NEBL: variants seen among roughly 807,000 people sequenced by gnomAD.
NEBL encodes nebulette.
NEBL carries 122 observed loss-of-function variants against 140.2 expected under a neutral mutation model. The observed-to-expected ratio is 0.87, with a 90% confidence interval of 0.75 to 1.01. NEBL has a LOEUF of 1.01. Ranked by LOEUF, NEBL falls within the 50% of genes least tolerant of loss-of-function variation. The pLI is 0.00. For missense variants in NEBL, 1,365 were observed against 1,231.3 expected (o/e 1.11, Z -1.62); for synonymous variants, 436 against 398.9 (o/e 1.09, Z -1.11).
At chr10:20,842,689 C>A (rs533348005) in intron 12 of NEBL, among the ~76,000 whole-genome samples, 15 of 152,088 alleles carry the variant, frequency 9.9e-5, no homozygotes, top group Admixed American at 9.2e-4. Flanking sequence ...TTAAATCAAT[C>A]TAAATAATAT....
At chr10:21,025,616 G>C (rs911827227) in intron 2 of NEBL, among the ~76,000 whole-genome samples, 3 of 152,156 alleles carry the variant, frequency 2.0e-5, no homozygotes, top group Non-Finnish European at 2.9e-5. Context: ...ATGGGAATGA[G>C]AAAGAACATG....
chr10:21,280,782 T>A (rs1362041924), intron 1 of NEBL, among the ~76,000 whole-genome samples: 1 of 151,846 alleles, frequency 6.6e-6, no homozygotes, highest in Admixed American at 6.6e-5. Context: ...GCATGGCTAA[T>A]TGTTGTATTT....
At chr10:21,252,450 A>C (rs1842599203) in intron 1 of NEBL, among the ~76,000 whole-genome samples, 1 of 152,198 alleles carries the variant, frequency 6.6e-6, no homozygotes, top group African/African-American at 2.4e-5. Context: ...AGCAGGGAAA[A>C]AGCAAACTCC....
intron 2 of NEBL, among the ~76,000 whole-genome samples, chr10:21,072,462 C>T (rs1835860421): frequency 6.6e-6 from 1 of 152,160 alleles, no homozygotes; most frequent in Admixed American, 6.5e-5. Context: ...TGAGAGGTGC[C>T]ACTTTTATCA....
intron 11 of NEBL, among the ~76,000 whole-genome samples, chr10:20,847,754 T>C (rs560353207): frequency 6.6e-6 from 1 of 152,308 alleles, no homozygotes; most frequent in African/African-American, 2.4e-5. Context: ...AAATGTATGT[T>C]AACAGCTTCA....
intron 3 of NEBL, among the ~76,000 whole-genome samples, chr10:21,185,745 G>C (rs1035435649): frequency 6.6e-6 from 1 of 151,852 alleles, no homozygotes; most frequent in Non-Finnish European, 1.5e-5. Flanking sequence ...GATCCACCTC[G>C]CCTCAGCCTC....
At chr10:20,915,228 G>T (rs2131477671) in intron 4 of NEBL, among the ~76,000 whole-genome samples, 1 of 152,092 alleles carries the variant, frequency 6.6e-6, no homozygotes, top group East Asian at 1.9e-4. Flanking sequence ...ATTTATATAT[G>T]CAAGGAACCA....
intron 7 of NEBL, 79 bp from the exon 8 acceptor site, chr10:20,859,905 G>T (rs548325081): frequency 4.0e-5 from 29 of 719,450 alleles, no homozygotes; most frequent in Non-Finnish European, 6.3e-5. Flanking sequence ...TAAAATAAAA[G>T]CTACCTTAAA....
chr10:20,979,069 TG>T (rs1670925298), intron 3 of NEBL, among the ~76,000 whole-genome samples: 1 of 150,832 alleles, frequency 6.6e-6, no homozygotes, highest in South Asian at 2.1e-4. Context: ...CAATATTAGA[TG>T]AAAAAAAAAG....
chr10:20,804,698 T>C (rs1482199080), intron 26 of NEBL: 1 of 151,990 alleles, frequency 6.6e-6, no homozygotes, highest in Non-Finnish European at 1.5e-5. Context: ...AAAGTTTGAG[T>C]AAAGCAAGGG....
At chr10:21,023,150 T>C (rs1040398000) in intron 2 of NEBL, among the ~76,000 whole-genome samples, 5 of 152,258 alleles carry the variant, frequency 3.3e-5, no homozygotes, top group African/African-American at 9.6e-5. Context: ...GCATGTTTTC[T>C]TGTGTTTTGT....
intron 9 of NEBL, among the ~76,000 whole-genome samples, chr10:20,852,934 G>A (rs1034403806): frequency 1.3e-5 from 2 of 152,190 alleles, no homozygotes; most frequent in Non-Finnish European, 2.9e-5. Context: ...GTGTGGCAAC[G>A]GAAAGCTAGC....
intron 2 of NEBL, among the ~76,000 whole-genome samples, chr10:21,084,003 T>G (rs1054843040): frequency 3.9e-5 from 6 of 152,144 alleles, no homozygotes; most frequent in Non-Finnish European, 5.9e-5. Context: ...CTAATACAAT[T>G]GTCATCTTGG....
intron 4 of NEBL, among the ~76,000 whole-genome samples, chr10:20,948,179 T>C (rs1835273210): frequency 6.6e-6 from 1 of 152,184 alleles, no homozygotes; most frequent in African/African-American, 2.4e-5. Flanking sequence ...TTAGAGTCTT[T>C]AATGGTTTGC....
intron 2 of NEBL, among the ~76,000 whole-genome samples, chr10:21,135,283 G>A (rs1467836232): frequency 6.6e-6 from 1 of 152,208 alleles, no homozygotes; most frequent in South Asian, 2.1e-4. Context: ...TGGGTGGGGC[G>A]AGGCCACAGG....
chr10:21,263,967 A>G (rs1236600262), intron 1 of NEBL, among the ~76,000 whole-genome samples: 16 of 152,198 alleles, frequency 1.1e-4, no homozygotes, highest in Admixed American at 1.0e-3. Flanking sequence ...CTCCGTCTCA[A>G]ACAAACAAAC....
At chr10:21,157,597 TG>T (rs1253397703) in intron 2 of NEBL, among the ~76,000 whole-genome samples, 2 of 152,328 alleles carry the variant, frequency 1.3e-5, no homozygotes, top group South Asian at 2.1e-4. Flanking sequence ...TTGACAGCAT[TG>T]AATTTGTTTT....
At chr10:20,879,652 A>G (rs1845836450) in intron 5 of NEBL, among the ~76,000 whole-genome samples, 1 of 152,190 alleles carries the variant, frequency 6.6e-6, no homozygotes, top group African/African-American at 2.4e-5. Flanking sequence ...AAAGGGACTA[A>G]GTGACAGAAC....
intron 2 of NEBL, among the ~76,000 whole-genome samples, chr10:21,144,495 G>C (rs1445819701): frequency 6.6e-6 from 1 of 152,186 alleles, no homozygotes; most frequent in African/African-American, 2.4e-5. Flanking sequence ...GGAGGCCGAG[G>C]TGGGGGAATC....
Sources: allele counts gnomAD v4.1 joint callset (sites outside exome capture counted in the v4.1 genomes callset), GRCh38; gene constraint gnomAD v4.1.1; transcripts MANE v1.5; gene names NCBI Gene and HGNC (gene_info 2026-07-23, HGNC 2026-07-21).